Variants in DCAF5 observed in about 807,000 individuals in gnomAD.
The protein encoded by DCAF5 is DDB1 and CUL4 associated factor 5.
In DCAF5, 9 loss-of-function variants were observed where a neutral mutation model predicts 80.7. The observed-to-expected ratio is 0.11, with a 90% CI of 0.07 to 0.19. DCAF5 has a LOEUF of 0.19. Ranked by LOEUF, DCAF5 falls within the 10% of genes least tolerant of loss-of-function variation. The probability of loss-of-function intolerance (pLI) is 1.00; values close to 1 mark genes in which losing one functional copy is unlikely to be tolerated. For missense variants in DCAF5, 842 were observed against 1,205.7 expected (o/e 0.70, Z 4.47); for synonymous variants, 433 against 461.9 (o/e 0.94, Z 0.80).
At chr14:69,061,470 C>T (rs1302155425) in intron 8 of DCAF5, among the ~76,000 whole-genome samples, 2 of 152,194 alleles carry the variant, frequency 1.3e-5, no homozygotes, top group Non-Finnish European at 2.9e-5. Flanking sequence ...TCTGTGGACA[C>T]AGGCCAGGCT....
At chr14:69,084,814 A>G in intron 6 of DCAF5, 1 of 1,084,440 alleles carries the variant, frequency 9.2e-7, no homozygotes, top group Middle Eastern at 2.1e-4. Context: ...CAGGAACACT[A>G]TTGTGTACAG....
chr14:69,144,947 G>A (rs147055741), intron 1 of DCAF5, among the ~76,000 whole-genome samples: 53 of 152,248 alleles, frequency 3.5e-4, no homozygotes, highest in African/African-American at 1.2e-3. Context: ...CCATTTCTCC[G>A]ATCCCATGCA....
chr14:69,073,318 A>C, intron 7 of DCAF5, among the ~76,000 whole-genome samples: 1 of 152,232 alleles, frequency 6.6e-6, no homozygotes, highest in East Asian at 1.9e-4. Flanking sequence ...CACAGTGAGA[A>C]GGTGGCCAAG....
intron 5 of DCAF5, among the ~76,000 whole-genome samples, chr14:69,110,629 A>G (rs1289931259): frequency 2.0e-5 from 3 of 151,988 alleles, no homozygotes; most frequent in African/African-American, 7.3e-5. Flanking sequence ...TAATCCTAGC[A>G]CTTCGGTAGG....
intron 1 of DCAF5, among the ~76,000 whole-genome samples, chr14:69,132,714 G>A (rs575059962): frequency 6.7e-4 from 101 of 150,714 alleles, no homozygotes; most frequent in South Asian, 4.6e-3. Context: ...ATATAATGTG[G>A]GGCAGCATAG....
chr14:69,068,867 G>A (rs893576006), intron 7 of DCAF5, among the ~76,000 whole-genome samples: 2 of 152,114 alleles, frequency 1.3e-5, no homozygotes, highest in South Asian at 2.1e-4. Context: ...CTGACAATAC[G>A]GACAGAGCAG....
chr14:69,055,307 T>C lies in DCAF5; in HGVS notation c.1379A>G (p.Glu460Gly). 6.2e-7 allele frequency: 1 copy of C among 1,614,150 alleles called. No individual in the cohort carries two copies. Among genetic ancestry groups the C allele is most frequent in the South Asian group, 1.1e-5 (1 of 91,080 alleles). ...VSERSGYTDS[E>G]SSASLPRSPP... ...GGAGCGAGGCAATGAGGCCGAAGAC[T>C]CTGAGTCAGTGTAGCCTGAGCGCTC... Residue 460 changes from glutamate (E) to glycine (G), a missense_variant, in exon 9 of 9, where the codon GAG becomes GGG. Coordinates refer to ENST00000341516, the MANE Select transcript of DCAF5 (RefSeq NM_003861.3). The surrounding 1 kb of genome is among the most constrained non-coding windows in gnomAD (Gnocchi z 5.6).
intron 7 of DCAF5, among the ~76,000 whole-genome samples, chr14:69,070,504 A>G (rs1400755472): frequency 6.6e-6 from 1 of 152,258 alleles, no homozygotes; most frequent in Non-Finnish European, 1.5e-5. Flanking sequence ...TCAGACAAAT[A>G]CTATTATGTA....
Position 69,084,499 on chromosome 14 carries a change from G to A in DCAF5, c.879+7175C>T, listed in dbSNP as rs748693666. 4.8e-5 allele frequency: 37 copies of A among 774,104 alleles called. 1 individual carries two copies. The highest frequency in any genetic ancestry group is 1.3e-4 in the South Asian group (9 of 66,892). 48.0% of individuals were successfully genotyped at this position (774,104 alleles called of 1,614,324 possible). Reference sequence around the variant, plus strand: ...CCCAAACTTGAAAAGTTGAAGGCCCGGCAAGGATTTCTCTGAAAAAGGAGC... The same window carrying A: ...CCCAAACTTGAAAAGTTGAAGGCCCAGCAAGGATTTCTCTGAAAAAGGAGC... On this transcript the variant is annotated intron_variant, in intron 6 of 8. Coordinates refer to ENST00000341516, the MANE Select transcript of DCAF5 (RefSeq NM_003861.3).
At chr14:69,106,627 C>G (rs1371657116) in intron 5 of DCAF5, among the ~76,000 whole-genome samples, 2 of 152,182 alleles carry the variant, frequency 1.3e-5, no homozygotes, top group Non-Finnish European at 2.9e-5. Flanking sequence ...TTGCCTGGGG[C>G]TCCCAAAGTG....
At chr14:69,061,392 C>T (rs2038209039) in intron 8 of DCAF5, among the ~76,000 whole-genome samples, 2 of 152,146 alleles carry the variant, frequency 1.3e-5, no homozygotes, top group South Asian at 4.1e-4. Flanking sequence ...CGTGAATTCT[C>T]ATTTTCTCAG....
At position 69,052,757 on chromosome 14, in the gene DCAF5, C is replaced by G. The variant is rs2037803233; in HGVS notation, c.*1100G>C. The G allele has an allele frequency of 6.6e-6, 1 of 152,226 alleles. No homozygotes were observed. The highest frequency in any genetic ancestry group is 2.4e-5 in the African/African-American group (1 of 41,446). The allele number at this position is 152,226 out of a possible 1,614,324, so 9.4% of individuals were successfully genotyped here. A position where few individuals can be genotyped will look rare whatever the true frequency, so the allele number is the denominator to read the frequency against. On this transcript the variant is annotated 3_prime_UTR_variant, in exon 9 of 9. Transcript: ENST00000341516. ...CTGTTACCTTGAGATGCCTACTGCT[C>G]TGCAAAGTCTAGTGAGAACACCACA...
At position 69,091,814 on chromosome 14, in the gene DCAF5, G is replaced by T; in HGVS notation, c.739C>A (p.Gln247Lys). Residue 247 changes from glutamine to lysine, a missense_variant, in exon 6 of 9, where the codon CAG becomes AAG. Around this residue, in one of 5 missense-constraint regions of DCAF5, gnomAD observed 142 missense variants for 311.9 expected, o/e 0.46. Coordinates refer to ENST00000341516, the MANE Select transcript of DCAF5 (RefSeq NM_003861.3). Reference sequence around the variant, plus strand: ...AGGCGTCGCCTCAGGGCCAGGAGCTGGGTCCCGTTGCTGTTGAATCGTACA... The same window carrying T: ...AGGCGTCGCCTCAGGGCCAGGAGCTTGGTCCCGTTGCTGTTGAATCGTACA... The part of the protein sequence containing the change: ...MSVRFNSNGT[Q>K]LLALRRRLPP... 6.2e-7 allele frequency: 1 copy of T among 1,614,098 alleles called. No individual in the cohort carries two copies. Among genetic ancestry groups the T allele is most frequent in the Non-Finnish European group, 8.5e-7 (1 of 1,180,012 alleles).
intron 1 of DCAF5, among the ~76,000 whole-genome samples, chr14:69,125,646 T>A (rs2140079206): frequency 6.6e-6 from 1 of 152,316 alleles, no homozygotes; most frequent in East Asian, 1.9e-4. Context: ...CAAGAAAACC[T>A]ATATACAACA....
intron 1 of DCAF5, among the ~76,000 whole-genome samples, chr14:69,124,139 C>A (rs1036142181): frequency 1.3e-5 from 2 of 152,168 alleles, no homozygotes; most frequent in African/African-American, 2.4e-5. Context: ...CAGGTCGTGG[C>A]ATGTATCAGA....
chr14:69,100,406 C>T (rs896450200), intron 5 of DCAF5, among the ~76,000 whole-genome samples: 7 of 152,138 alleles, frequency 4.6e-5, no homozygotes, highest in African/African-American at 1.4e-4. Context: ...GGTACAAATG[C>T]TAAATTTGAA....
At position 69,054,972 on chromosome 14, in the gene DCAF5, C is replaced by G. The variant is rs1348211966; in HGVS notation, c.1714G>C (p.Glu572Gln). Residue 572 changes from glutamate (E) to glutamine (Q), a missense_variant, in exon 9 of 9, where the codon GAG becomes CAG. By Grantham distance (29) the Glu-to-Gln change is conservative. Transcript: ENST00000341516. ...SSSSSSSEDE[E>Q]ELNERRASTW... Reference sequence around the variant, plus strand: ...GAGGCTCGGCGTTCATTCAGCTCCTCCTCATCCTCAGAGCTGCTAGAGCTG... The same window carrying G: ...GAGGCTCGGCGTTCATTCAGCTCCTGCTCATCCTCAGAGCTGCTAGAGCTG... 6.2e-7 allele frequency: 1 copy of G among 1,614,248 alleles called. No individual in the cohort carries two copies.
rs1374745041 is a variant in DCAF5, at chr14:69,053,614, A to G, written c.*243T>C. 2 of 489,276 alleles carry G rather than the reference A, an allele frequency of 4.1e-6. No homozygotes were observed. The highest frequency in any genetic ancestry group is 3.7e-5 in the East Asian group (1 of 27,164). 30.3% of individuals were successfully genotyped at this position (489,276 alleles called of 1,614,324 possible). A position where few individuals can be genotyped will look rare whatever the true frequency, so the allele number is the denominator to read the frequency against. On this transcript the variant is annotated 3_prime_UTR_variant, in exon 9 of 9. Coordinates refer to ENST00000341516, the MANE Select transcript of DCAF5 (RefSeq NM_003861.3). ...CGGCACACTACGCTCACGTCTCACT[A>G]GAAAGGAGTCACTTGGGTTATTTTT...
At chr14:69,122,837 C>T (rs1467521794) in intron 1 of DCAF5, among the ~76,000 whole-genome samples, 2 of 150,406 alleles carry the variant, frequency 1.3e-5, no homozygotes, top group Non-Finnish European at 2.9e-5. Context: ...GAACACCATA[C>T]AAATGATAAC....
Sources: allele counts gnomAD v4.1 joint callset (sites outside exome capture counted in the v4.1 genomes callset), GRCh38; gene constraint gnomAD v4.1.1; regional missense constraint gnomAD v4.1.1; non-coding constraint Gnocchi (gnomAD v3.1); transcripts MANE v1.5; gene names NCBI Gene and HGNC (gene_info 2026-07-23, HGNC 2026-07-21).